LRIG1: variants seen among roughly 807,000 people sequenced by gnomAD.
LRIG1 encodes the protein leucine rich repeats and immunoglobulin like domains 1.
A neutral mutation model predicts 99.2 loss-of-function variants in LRIG1; 48 were observed. The observed-to-expected ratio is 0.48, with a 90% confidence interval of 0.38 to 0.62. The LOEUF is 0.62. LRIG1 is among the 20% of genes least tolerant of loss of function. LRIG1 has a pLI of 0.00. For synonymous variants in LRIG1, 772 were observed against 596.1 expected (o/e 1.29, Z -4.30); for missense variants, 1,646 against 1,434.4 (o/e 1.15, Z -2.38).
intron 1 of LRIG1, among the ~76,000 whole-genome samples, chr3:66,491,461 T>C (rs1701100204): frequency 6.6e-6 from 1 of 151,914 alleles, no homozygotes; most frequent in East Asian, 1.9e-4. Flanking sequence ...AAACACCTCC[T>C]ACAAAAGAAA....
At chr3:66,411,864 A>G (rs550612615) in intron 6 of LRIG1, among the ~76,000 whole-genome samples, 127 of 151,962 alleles carry the variant, frequency 8.4e-4, no homozygotes, top group African/African-American at 2.9e-3. Flanking sequence ...CTAAAAACAG[A>G]AAAACGAAAA....
chr3:66,484,819 T>C (rs1700934201), intron 1 of LRIG1, among the ~76,000 whole-genome samples: 1 of 152,068 alleles, frequency 6.6e-6, no homozygotes, highest in African/African-American at 2.4e-5. Flanking sequence ...AAAGTCTGCA[T>C]AACAAAGTGA....
chr3:66,414,157 G>A (rs1702549702), intron 5 of LRIG1, among the ~76,000 whole-genome samples: 1 of 152,060 alleles, frequency 6.6e-6, no homozygotes, highest in African/African-American at 2.4e-5. Flanking sequence ...CAGCACTTTG[G>A]GAGGCCAAGG....
intron 3 of LRIG1, among the ~76,000 whole-genome samples, chr3:66,427,644 T>C (rs533571753): frequency 6.6e-6 from 1 of 152,084 alleles, no homozygotes; most frequent in African/African-American, 2.4e-5. Flanking sequence ...CTTAAAAAAA[T>C]TTTTTTTAAA....
chr3:66,404,212 C>T lies in LRIG1; in HGVS notation c.1160+986G>A, dbSNP rs149104211. 2.5e-4 allele frequency: 319 copies of T among 1,279,718 alleles called. No individual in the cohort carries two copies. The African/African-American group carries it at 4.2e-3, about 17-fold the overall frequency. The allele number at this position is 1,279,718 out of a possible 1,614,324, so 79.3% of individuals were successfully genotyped here. ...TTTCAAAACAAATCAGAAGCATCTACTATATAAAAAGACTCTCCCTACCAC... is the reference window on the plus strand; with the variant it reads ...TTTCAAAACAAATCAGAAGCATCTATTATATAAAAAGACTCTCCCTACCAC... On this transcript the variant is annotated intron_variant, in intron 9 of 18. Coordinates refer to ENST00000273261, the MANE Select transcript of LRIG1 (RefSeq NM_015541.3).
chr3:66,391,725 C>T (rs1257151778), intron 12 of LRIG1, among the ~76,000 whole-genome samples: 1 of 152,018 alleles, frequency 6.6e-6, no homozygotes. Context: ...ATTATAACAA[C>T]CATCAATTTA....
intron 2 of LRIG1, among the ~76,000 whole-genome samples, chr3:66,453,066 T>C (rs946373924): frequency 2.0e-5 from 3 of 152,182 alleles, no homozygotes; most frequent in African/African-American, 7.2e-5. Flanking sequence ...CCATTTCCCA[T>C]CCTCACTCAG....
chr3:66,480,166 G>A (rs1387607153), intron 1 of LRIG1, among the ~76,000 whole-genome samples: 1 of 152,114 alleles, frequency 6.6e-6, no homozygotes, highest in Admixed American at 6.5e-5. Context: ...GCCATAATAT[G>A]GACGAATCAT....
intron 3 of LRIG1, among the ~76,000 whole-genome samples, chr3:66,447,059 G>A (rs1249712306): frequency 6.6e-6 from 1 of 152,000 alleles, no homozygotes; most frequent in African/African-American, 2.4e-5. Flanking sequence ...TTAATGGTAA[G>A]TTCATTTTTT....
chr3:66,393,711 C>G, intron 12 of LRIG1, among the ~76,000 whole-genome samples: 1 of 152,342 alleles, frequency 6.6e-6, no homozygotes, highest in East Asian at 1.9e-4. Flanking sequence ...CAGCCTCGTA[C>G]GCGGAGTACA....
At chr3:66,418,498 G>A (rs796809722) in intron 3 of LRIG1, among the ~76,000 whole-genome samples, 13 of 152,308 alleles carry the variant, frequency 8.5e-5, no homozygotes, top group Middle Eastern at 3.4e-3. Context: ...GTAGCTAACC[G>A]CCCTGTTGTG....
intron 3 of LRIG1, among the ~76,000 whole-genome samples, chr3:66,435,069 G>C (rs1703308450): frequency 8.1e-6 from 1 of 123,706 alleles, no homozygotes; most frequent in Admixed American, 7.7e-5. Flanking sequence ...AATGGTTAAA[G>C]TACGGCACAT....
At chr3:66,429,488 A>C (rs1043806721) in intron 3 of LRIG1, among the ~76,000 whole-genome samples, 2 of 152,250 alleles carry the variant, frequency 1.3e-5, no homozygotes, top group African/African-American at 4.8e-5. Flanking sequence ...TACCAATTGT[A>C]TGATTCCAAA....
chr3:66,412,318 G>C (rs1702491977), intron 6 of LRIG1, among the ~76,000 whole-genome samples: 1 of 152,226 alleles, frequency 6.6e-6, no homozygotes, highest in Non-Finnish European at 1.5e-5. Flanking sequence ...GTCAGGAGTG[G>C]AGAGGATGTG....
At chr3:66,451,143 C>T (rs578145068) in intron 3 of LRIG1, among the ~76,000 whole-genome samples, 11 of 152,204 alleles carry the variant, frequency 7.2e-5, no homozygotes, top group African/African-American at 2.2e-4. Flanking sequence ...CTTTCTTTTT[C>T]TTAAAGCCAC....
intron 6 of LRIG1, among the ~76,000 whole-genome samples, chr3:66,411,301 T>C (rs1702456165): frequency 6.6e-6 from 1 of 152,232 alleles, no homozygotes; most frequent in African/African-American, 2.4e-5. Flanking sequence ...TCTTTCTTTC[T>C]GCTACTGCTC....
At position 66,492,193 on chromosome 3, in the gene LRIG1, A is replaced by G. The variant is rs183339844; in HGVS notation, c.218+7997T>C. On this transcript the variant is annotated intron_variant, in intron 1 of 18. Coordinates refer to ENST00000273261, the MANE Select transcript of LRIG1 (RefSeq NM_015541.3). ...ATTTGAAACAACAGCAAGATTATCTATCCTCCAGTTCAGAAGTGTTCAATC... is the reference window on the plus strand; with the variant it reads ...ATTTGAAACAACAGCAAGATTATCTGTCCTCCAGTTCAGAAGTGTTCAATC... Among the ~76,000 whole-genome samples, 241 of 152,362 alleles carry G rather than the reference A, an allele frequency of 1.6e-3. 2 individuals carry two copies. Among genetic ancestry groups the G allele is most frequent in the African/African-American group, 5.1e-3 (214 of 41,594 alleles).
intron 3 of LRIG1, among the ~76,000 whole-genome samples, chr3:66,430,102 T>C (rs1322720754): frequency 2.0e-5 from 3 of 152,068 alleles, no homozygotes; most frequent in African/African-American, 7.2e-5. Flanking sequence ...AAATTACAAC[T>C]TTAGTTCAAT....
At chr3:66,408,165 CAT>C (rs1354833512) in intron 7 of LRIG1, among the ~76,000 whole-genome samples, 1 of 152,222 alleles carries the variant, frequency 6.6e-6, no homozygotes, top group Non-Finnish European at 1.5e-5. Flanking sequence ...GCTTACGTGA[CAT>C]ATTGGTCATC....
Sources: gnomAD v4.1 joint callset for allele counts (sites outside exome capture counted in the v4.1 genomes callset) on GRCh38, gnomAD v4.1.1 for gene constraint, MANE v1.5 for transcripts, NCBI Gene and HGNC (gene_info 2026-07-23, HGNC 2026-07-21) for gene names.